Variants in SLC28A1 observed in about 807,000 individuals in gnomAD.
The protein encoded by SLC28A1 is sodium/nucleoside cotransporter 1.
SLC28A1 carries 64 observed loss-of-function variants against 74.8 expected under a neutral mutation model. That is an observed-to-expected ratio of 0.86 (90% CI 0.70 to 1.05). The LOEUF is 1.05. Among genes scored for constraint, SLC28A1 ranks in the 50% least tolerant of loss-of-function variants. The pLI, the probability that SLC28A1 is intolerant of heterozygous loss-of-function variation, is 0.00. For missense variants in SLC28A1, 828 were observed against 822.8 expected (o/e 1.01, Z -0.08); for synonymous variants, 359 against 335.0 (o/e 1.07, Z -0.78).
intron 1 of SLC28A1, among the ~76,000 whole-genome samples, chr15:84,884,989 C>A (rs1056406751): frequency 1.3e-5 from 2 of 152,132 alleles, no homozygotes; most frequent in Non-Finnish European, 2.9e-5. Context: ...GGTAGAGTCT[C>A]GCTCTGTTGC....
rs537886802 is a variant in SLC28A1 at position 84,944,960 on chromosome 15, G to T, written c.1874+93G>T. 3 of 1,115,846 alleles carry T rather than the reference G, an allele frequency of 2.7e-6. No individual in the cohort carries two copies. The African/African-American group carries it at 4.6e-5, about 17-fold the overall frequency. 69.1% of individuals were successfully genotyped at this position (1,115,846 alleles called of 1,614,324 possible). A position where few individuals can be genotyped will look rare whatever the true frequency, so the allele number is the denominator to read the frequency against. On this transcript the variant is annotated intron_variant, in intron 18 of 18. Coordinates refer to ENST00000394573, the MANE Select transcript of SLC28A1 (RefSeq NM_004213.5). ...GGGATGCCTTTGGTACCAGGGTGAG[G>T]GTAGAAATGTTACGGCTGCAGCTAA...
chr15:84,911,466 A>C (rs551662947), intron 9 of SLC28A1, among the ~76,000 whole-genome samples: 1 of 152,340 alleles, frequency 6.6e-6, no homozygotes, highest in Non-Finnish European at 1.5e-5. Context: ...ACTTCTGGTT[A>C]AGGGATGTAT....
chr15:84,950,757 C>G (rs1333487232), downstream of SLC28A1, among the ~76,000 whole-genome samples: 1 of 152,010 alleles, frequency 6.6e-6, no homozygotes, highest in Non-Finnish European at 1.5e-5. Context: ...TAGGGGTGGC[C>G]ATGGTCTGGC....
At chr15:84,922,356 C>A (rs1038455526) in intron 11 of SLC28A1, among the ~76,000 whole-genome samples, 2 of 152,164 alleles carry the variant, frequency 1.3e-5, no homozygotes, top group Admixed American at 6.5e-5. Context: ...TCCCTCATCA[C>A]CCCTGCCCCT....
At chr15:84,912,046 A>C (rs1308002744) in intron 9 of SLC28A1, among the ~76,000 whole-genome samples, 1 of 152,200 alleles carries the variant, frequency 6.6e-6, no homozygotes, top group East Asian at 1.9e-4. Context: ...TGTCCTCTGG[A>C]CAAATTCCTG....
At chr15:84,949,129 C>A (rs1340784492), downstream of SLC28A1, among the ~76,000 whole-genome samples, 6 of 152,172 alleles carry the variant, frequency 3.9e-5, no homozygotes, top group Non-Finnish European at 8.8e-5. Context: ...CTGAGCCAGG[C>A]ACCCTTAGTT....
Position 84,935,337 on chromosome 15 carries a change from T to C in SLC28A1, c.1400T>C (p.Ile467Thr). 6.2e-7 allele frequency: 1 copy of C among 1,614,172 alleles called. No homozygotes were observed. The highest frequency in any genetic ancestry group is 1.1e-5 in the South Asian group (1 of 91,082). ...GLSFQLICSY[I>T]LRPVAFLMGV... is the part of the protein sequence containing the mutation. Reference sequence around the variant, plus strand: ...TGCCCTCAGCTCATCTGCTCCTACATCCTGCGGCCTGTAGCCTTCTTGATG... The same window carrying C: ...TGCCCTCAGCTCATCTGCTCCTACACCCTGCGGCCTGTAGCCTTCTTGATG... The change falls in exon 15 of 19, where the codon ATC becomes ACC. Residue 467 changes from isoleucine (I) to threonine (T), a missense_variant. By Grantham distance (89) the Ile-to-Thr change is moderately conservative. Coordinates refer to ENST00000394573, the MANE Select transcript of SLC28A1 (RefSeq NM_004213.5).
the SLC28A1 span, among the ~76,000 whole-genome samples, chr15:84,969,550 T>C: frequency 1.3e-5 from 2 of 151,898 alleles, no homozygotes; most frequent in African/African-American, 4.8e-5. Context: ...CGGACTTCTG[T>C]AATTTGCTGG....
chr15:84,886,034 A>T, intron 1 of SLC28A1: 2 of 547,698 alleles, frequency 3.7e-6, no homozygotes, highest in Non-Finnish European at 4.7e-6. Flanking sequence ...ATTAATTATT[A>T]AAGAGATGTT....
chr15:84,957,368 G>C, the SLC28A1 span, among the ~76,000 whole-genome samples: 1 of 152,216 alleles, frequency 6.6e-6, no homozygotes, highest in Non-Finnish European at 1.5e-5. Flanking sequence ...CTGGGTTCAA[G>C]CGATTCTTGT....
chr15:84,920,181 C>T (rs1969631212), intron 10 of SLC28A1, among the ~76,000 whole-genome samples: 2 of 152,216 alleles, frequency 1.3e-5, no homozygotes, highest in South Asian at 2.1e-4. Flanking sequence ...CGTGGTGGCT[C>T]ATGCCTGTAA....
chr15:84,927,178 C>A (rs374889216), intron 12 of SLC28A1, among the ~76,000 whole-genome samples: 2 of 152,142 alleles, frequency 1.3e-5, no homozygotes, highest in Non-Finnish European at 2.9e-5. Flanking sequence ...ACCCACCCAC[C>A]CCACCACCAA....
chr15:84,885,523 G>C (rs1043215424), intron 1 of SLC28A1, among the ~76,000 whole-genome samples: 3 of 151,834 alleles, frequency 2.0e-5, no homozygotes, highest in African/African-American at 7.2e-5. Context: ...CCTGAGGTTG[G>C]AAGTTCGAGA....
the SLC28A1 span, among the ~76,000 whole-genome samples, chr15:84,960,273 T>TGG: frequency 1.3e-5 from 1 of 74,668 alleles, no homozygotes; most frequent in Non-Finnish European, 2.9e-5. Context: ...TTTTTTTTTT[T>TGG]GAGACAAGGT....
At chr15:84,944,971 T>TA in intron 18 of SLC28A1, 104 bp downstream of exon 18, 4 of 1,082,096 alleles carry the variant, frequency 3.7e-6, no homozygotes, top group Non-Finnish European at 5.7e-6. Flanking sequence ...GTAGAAATGT[T>TA]ACGGCTGCAG....
intron 9 of SLC28A1, 101 bp downstream of exon 9, chr15:84,908,896 G>T: frequency 1.0e-6 from 1 of 954,910 alleles, no homozygotes; most frequent in Non-Finnish European, 1.7e-6. Context: ...TGGAGGGGAG[G>T]AGTCCTGTGG....
At chr15:84,891,857 G>A (rs1420852799) in intron 5 of SLC28A1, among the ~76,000 whole-genome samples, 1 of 152,146 alleles carries the variant, frequency 6.6e-6, no homozygotes, top group Non-Finnish European at 1.5e-5. Context: ...CATGAGTTTG[G>A]GGTGGGAGAC....
intron 11 of SLC28A1, among the ~76,000 whole-genome samples, chr15:84,923,036 C>G (rs1224015836): frequency 1.3e-5 from 2 of 152,226 alleles, no homozygotes; most frequent in African/African-American, 4.8e-5. Flanking sequence ...CTCCCGGGTT[C>G]AAGCGATTCT....
intron 3 of SLC28A1, 118 bp downstream of exon 3, chr15:84,887,974 C>T: frequency 2.7e-6 from 2 of 743,732 alleles, no homozygotes; most frequent in Admixed American, 2.0e-5. Flanking sequence ...CTTCTGCCCC[C>T]TTCTCACCTC....
Sources: gnomAD v4.1 joint callset for allele counts (sites outside exome capture counted in the v4.1 genomes callset) on GRCh38, gnomAD v4.1.1 for gene constraint, MANE v1.5 for transcripts, NCBI Gene and HGNC (gene_info 2026-07-23, HGNC 2026-07-21) for gene names.